Variants in ANO2 observed in about 807,000 individuals in gnomAD.
ANO2 encodes anoctamin 2.
A neutral mutation model predicts 124.2 loss-of-function variants in ANO2; 101 were observed. That is an observed-to-expected ratio of 0.81 (90% CI 0.69 to 0.96). The LOEUF (loss-of-function observed/expected upper bound fraction) is 0.96, where lower values mean the gene tolerates loss of function less well. ANO2 is among the 40% of genes least tolerant of loss of function. The pLI is 0.00. For synonymous variants in ANO2, 486 were observed against 482.5 expected, an observed-to-expected ratio of 1.01 and a Z score of -0.09; for missense variants, 1,293 against 1,274.5, an observed-to-expected ratio of 1.01 and a Z score of -0.22.
At chr12:5,772,534 T>C (rs1952114054) in intron 10 of ANO2, among the ~76,000 whole-genome samples, 1 of 152,250 alleles carries the variant, frequency 6.6e-6, no homozygotes, top group Non-Finnish European at 1.5e-5. Flanking sequence ...TTTTTCGCTG[T>C]AATATGATGA....
chr12:5,581,736 T>C (rs1282760733), intron 20 of ANO2, among the ~76,000 whole-genome samples: 1 of 152,174 alleles, frequency 6.6e-6, no homozygotes, highest in Non-Finnish European at 1.5e-5. Flanking sequence ...CTGGATGGCC[T>C]CAAGAGACTG....
intron 20 of ANO2, among the ~76,000 whole-genome samples, chr12:5,589,158 A>G (rs1480512287): frequency 6.6e-6 from 1 of 152,206 alleles, no homozygotes; most frequent in Non-Finnish European, 1.5e-5. Flanking sequence ...AAGTTTTGAC[A>G]TCTGCTGTGA....
At chr12:5,672,947 T>A (rs1189269150) in intron 14 of ANO2, among the ~76,000 whole-genome samples, 1 of 152,306 alleles carries the variant, frequency 6.6e-6, no homozygotes, top group Middle Eastern at 3.4e-3. Flanking sequence ...AAATAGGTAA[T>A]GTATTCCTAC....
intron 7 of ANO2, among the ~76,000 whole-genome samples, chr12:5,825,025 A>T (rs117106875): frequency 1.1e-4 from 17 of 152,324 alleles, no homozygotes; most frequent in Non-Finnish European, 2.5e-4. Flanking sequence ...AAATTCTGGG[A>T]GATACAATTC....
Position 5,870,111 on chromosome 12 carries a change from G to C in ANO2, c.535-15970C>G, listed in dbSNP as rs150565458. The stretch of plus-strand genomic sequence containing the variant: ...CACCATGGCACCAGGGACAACAGAG[G>C]GGAAAGTAAAAAGGCAAATGTGCAG... On this transcript the variant is annotated intron_variant, in intron 3 of 24. Coordinates refer to ENST00000682330, the MANE Select transcript of ANO2 (RefSeq NM_001364791.2). The C allele has an allele frequency of 5.2e-5, 8 of 152,510 alleles. No homozygotes were observed. The East Asian group carries it at 7.7e-4, about 15-fold the overall frequency. The allele number at this position is 152,510 out of a possible 1,614,324, so 9.4% of individuals were successfully genotyped here.
intron 4 of ANO2, among the ~76,000 whole-genome samples, chr12:5,846,844 A>G (rs937405919): frequency 6.6e-6 from 1 of 152,172 alleles, no homozygotes; most frequent in African/African-American, 2.4e-5. Context: ...ATCCTTAACT[A>G]ATTATATCTG....
rs1940082331 is a variant in ANO2, at chr12:5,900,106, T to A, written c.534+20934A>T. Reference sequence around the variant, plus strand: ...ATGCATGAGTTCCGTTTTTCAGCAGTTCCCCTGTCACCCAAGTTCTGATGG... The same window carrying A: ...ATGCATGAGTTCCGTTTTTCAGCAGATCCCCTGTCACCCAAGTTCTGATGG... On this transcript the variant is annotated intron_variant, in intron 3 of 24. Transcript: ENST00000682330. The surrounding 1 kb of genome is among the most constrained non-coding windows in gnomAD (Gnocchi z 4.2). 6.6e-6 allele frequency among the ~76,000 whole-genome samples: 1 copy of A among 152,132 alleles called. No individual in the cohort carries two copies. The highest frequency in any genetic ancestry group is 2.1e-4 in the South Asian group (1 of 4,824).
chr12:5,737,892 A>C (rs1202438203), intron 13 of ANO2, among the ~76,000 whole-genome samples: 1 of 152,236 alleles, frequency 6.6e-6, no homozygotes, highest in Non-Finnish European at 1.5e-5. Flanking sequence ...CTCTGAAGGC[A>C]GAATGCATAT....
chr12:5,913,165 A>G (rs1941160047), intron 3 of ANO2, among the ~76,000 whole-genome samples: 1 of 152,156 alleles, frequency 6.6e-6, no homozygotes, highest in African/African-American at 2.4e-5. Flanking sequence ...TAGAAAACCA[A>G]ACAGCAAGGT....
intron 10 of ANO2, among the ~76,000 whole-genome samples, chr12:5,763,385 A>C (rs1354607301): frequency 6.6e-6 from 1 of 152,044 alleles, no homozygotes; most frequent in Non-Finnish European, 1.5e-5. Context: ...ATTATATTAA[A>C]ATGGTATATA....
chr12:5,655,803 C>T (rs1006784514), intron 14 of ANO2, among the ~76,000 whole-genome samples: 1 of 152,168 alleles, frequency 6.6e-6, no homozygotes, highest in African/African-American at 2.4e-5. Flanking sequence ...GAGTCCAGTG[C>T]CTTCCTTGTA....
Position 5,659,418 on chromosome 12 carries a change from C to G in ANO2, c.1546-11617G>C, listed in dbSNP as rs1947332904. ...CCTCTCTGGAGCTGAGCCTCCAGGT[C>G]CCACCCCTCAGCCCCGTGGACTCAC... On this transcript the variant is annotated intron_variant, in intron 14 of 24. Transcript: ENST00000682330. 2.0e-5 allele frequency among the ~76,000 whole-genome samples: 3 copies of G among 152,142 alleles called. 1 individual carries two copies. The South Asian group carries it at 6.2e-4, about 31-fold the overall frequency.
intron 14 of ANO2, among the ~76,000 whole-genome samples, chr12:5,659,568 G>A (rs1482398947): frequency 6.6e-6 from 1 of 152,242 alleles, no homozygotes; most frequent in African/African-American, 2.4e-5. Flanking sequence ...TAAGTCTGCA[G>A]GCATGCCTAA....
At chr12:5,894,647 C>T (rs1290218573) in intron 3 of ANO2, among the ~76,000 whole-genome samples, 2 of 152,060 alleles carry the variant, frequency 1.3e-5, no homozygotes, top group African/African-American at 4.8e-5. Flanking sequence ...GTCTTTAGTC[C>T]ATCTTGAGTT....
intron 11 of ANO2, among the ~76,000 whole-genome samples, chr12:5,747,247 A>G (rs1014796459): frequency 2.4e-4 from 37 of 152,372 alleles, no homozygotes; most frequent in Admixed American, 6.5e-4. Flanking sequence ...GCTTGATGAC[A>G]AAATTAGCAA....
intron 14 of ANO2, among the ~76,000 whole-genome samples, chr12:5,691,255 G>C (rs938026641): frequency 6.7e-6 from 1 of 149,026 alleles, no homozygotes; most frequent in Admixed American, 6.8e-5. Flanking sequence ...TTGAACTTGG[G>C]AGGCGGAGGT....
intron 7 of ANO2, among the ~76,000 whole-genome samples, chr12:5,810,472 T>C (rs1295182501): frequency 1.3e-5 from 2 of 152,252 alleles, no homozygotes; most frequent in Non-Finnish European, 2.9e-5. Context: ...GGTTCCATCA[T>C]GCGCCATCCA....
intron 13 of ANO2, among the ~76,000 whole-genome samples, chr12:5,736,676 C>T (rs941542492): frequency 6.6e-6 from 1 of 152,132 alleles, no homozygotes; most frequent in African/African-American, 2.4e-5. Flanking sequence ...TTCATGCCTT[C>T]CCATGGCCTG....
chr12:5,748,202 G>A (rs923322838), intron 11 of ANO2, among the ~76,000 whole-genome samples: 3 of 152,214 alleles, frequency 2.0e-5, no homozygotes, highest in Non-Finnish European at 4.4e-5. Context: ...AGCTGTAGTG[G>A]TTGCTGCCAC....
Sources: gnomAD v4.1 joint callset for allele counts (sites outside exome capture counted in the v4.1 genomes callset) on GRCh38, gnomAD v4.1.1 for gene constraint, Gnocchi (gnomAD v3.1) non-coding constraint, MANE v1.5 for transcripts, NCBI Gene and HGNC (gene_info 2026-07-23, HGNC 2026-07-21) for gene names.